Variants in SORCS2 observed in about 807,000 individuals in gnomAD.
SORCS2 encodes sortilin related VPS10 domain containing receptor 2, also known as VPS10 domain-containing receptor SorCS2.
A neutral mutation model predicts 141.6 loss-of-function variants in SORCS2; 100 were observed. The observed-to-expected ratio is 0.71, with a 90% confidence interval of 0.60 to 0.83. The LOEUF (loss-of-function observed/expected upper bound fraction) is 0.83. Ranked by LOEUF, SORCS2 falls within the 40% of genes least tolerant of loss-of-function variation. SORCS2 has a pLI of 0.00. For missense variants in SORCS2, 1,646 were observed against 1,560.2 expected (o/e 1.05, Z -0.93); for synonymous variants, 789 against 676.9 (o/e 1.17, Z -2.57).
Position 7,741,072 on chromosome 4 carries a change from C to G in SORCS2, c.*808C>G, listed in dbSNP as rs1046908091. 5.0e-6 allele frequency: 2 copies of G among 398,758 alleles called. No homozygotes were observed. The highest frequency in any genetic ancestry group is 8.8e-6 in the Non-Finnish European group (2 of 226,306). 24.7% of individuals were successfully genotyped at this position (398,758 alleles called of 1,614,324 possible). On this transcript the variant is annotated 3_prime_UTR_variant, in exon 27 of 27. Transcript: ENST00000507866. Reference sequence around the variant, plus strand: ...CTCCTACCAGCAAGCAGCACCATCCCGCAGGCTTCTCCCACCTGATGGCTG... The same window carrying G: ...CTCCTACCAGCAAGCAGCACCATCCGGCAGGCTTCTCCCACCTGATGGCTG...
At chr4:7,658,967 C>T (rs954327106) in intron 5 of SORCS2, among the ~76,000 whole-genome samples, 4 of 152,200 alleles carry the variant, frequency 2.6e-5, no homozygotes, top group African/African-American at 9.6e-5. Context: ...GTGACTTCCT[C>T]ATCTTGAGGC....
chr4:7,434,817 T>G, intron 2 of SORCS2: 1 of 1,604,202 alleles, frequency 6.2e-7, no homozygotes, highest in Non-Finnish European at 8.5e-7. Flanking sequence ...CCTGGGGGCC[T>G]GAGGTGGGGC....
chr4:7,237,157 G>T (rs1367650729), intron 1 of SORCS2, among the ~76,000 whole-genome samples: 2 of 152,220 alleles, frequency 1.3e-5, no homozygotes, highest in East Asian at 3.8e-4. Context: ...TTTCTGACAA[G>T]CAGCAGATAA....
rs1012452665 is a variant in SORCS2 at position 7,648,828 on chromosome 4, G to A, written c.814-5306G>A. On this transcript the variant is annotated intron_variant, in intron 4 of 26. Transcript: ENST00000507866. This position sits in a 1 kb window ranked among gnomAD's most constrained non-coding sequence, Gnocchi z 4.2. ...GTAGAGGAAGAGAGGCTAGAAACCA[G>A]GGACAGGTGCCAGGGCAGGCCTAGG... Among the ~76,000 whole-genome samples the A allele has an allele frequency of 2.0e-5, 3 of 152,128 alleles. No homozygotes were observed. The highest frequency in any genetic ancestry group is 4.8e-5 in the African/African-American group (2 of 41,416).
intron 21 of SORCS2, among the ~76,000 whole-genome samples, 166 bp from the exon 22 acceptor site, chr4:7,728,184 G>T (rs924001153): frequency 5.3e-5 from 8 of 152,186 alleles, no homozygotes; most frequent in African/African-American, 1.9e-4. Flanking sequence ...AATCAGGACT[G>T]CTGTCGGCCT....
rs574244556 is a variant in SORCS2, at chr4:7,206,665, GT to G, written c.480+13540del. On this transcript the variant is annotated intron_variant, in intron 1 of 26. Transcript: ENST00000507866. The stretch of plus-strand genomic sequence containing the variant: ...GCAGTCTAGCAGCTGCTGACTCATG[GT>G]CGTGGCTGTGCAGCCAGGTCCTGGT... Among the ~76,000 whole-genome samples the G allele has an allele frequency of 7.6e-3, 1,164 of 152,288 alleles. 7 individuals carry two copies. The highest frequency in any genetic ancestry group is 0.013 in the Non-Finnish European group (882 of 68,000).
intron 2 of SORCS2, among the ~76,000 whole-genome samples, chr4:7,509,098 C>A (rs1732452723): frequency 6.6e-6 from 1 of 152,190 alleles, no homozygotes; most frequent in Non-Finnish European, 1.5e-5. Context: ...GAGATCAGTA[C>A]CTGCTTCTGT....
chr4:7,299,899 C>T (rs559627002), intron 1 of SORCS2, among the ~76,000 whole-genome samples: 27 of 152,322 alleles, frequency 1.8e-4, no homozygotes, highest in Admixed American at 3.3e-4. Context: ...TCCCAGAGCC[C>T]GCTGGACACT....
At chr4:7,220,124 A>C (rs1043166613) in intron 1 of SORCS2, among the ~76,000 whole-genome samples, 1 of 152,126 alleles carries the variant, frequency 6.6e-6, no homozygotes, top group African/African-American at 2.4e-5. Flanking sequence ...TCACATTCTG[A>C]GGCCTGAGCT....
chr4:7,296,837 G>A (rs935951330), intron 1 of SORCS2, among the ~76,000 whole-genome samples: 1 of 152,126 alleles, frequency 6.6e-6, no homozygotes, highest in Admixed American at 6.5e-5. Context: ...TCCCTCTATC[G>A]CTCGGTAGTC....
At chr4:7,593,482 T>G (rs982599652) in intron 3 of SORCS2, among the ~76,000 whole-genome samples, 1 of 152,168 alleles carries the variant, frequency 6.6e-6, no homozygotes, top group Admixed American at 6.5e-5. Flanking sequence ...GCAAGGGCCA[T>G]GAGAGACCCG....
chr4:7,412,905 GTCTCTAGGGTCTGGGTTTTTGTGT>G (rs1267886788), intron 2 of SORCS2, among the ~76,000 whole-genome samples: 1 of 152,110 alleles, frequency 6.6e-6, no homozygotes, highest in Non-Finnish European at 1.5e-5. Context: ...GCACCTCCTT[GTCTCTAGGGTCTGGGTTTTTGTGT>G]TCTCTGCACC....
intron 1 of SORCS2, among the ~76,000 whole-genome samples, chr4:7,314,351 ATTTTTT>A (rs1718414789): frequency 1.3e-5 from 1 of 77,366 alleles, no homozygotes; most frequent in Admixed American, 1.1e-4. Flanking sequence ...ATTTTTTTTT[ATTTTTT>A]GAGACGGAGT....
chr4:7,368,061 T>C (rs937393398), intron 1 of SORCS2, among the ~76,000 whole-genome samples: 2 of 152,198 alleles, frequency 1.3e-5, no homozygotes, highest in Admixed American at 6.5e-5. Context: ...CTCCTTTTTT[T>C]ACAGAGGACT....
At chr4:7,235,351 C>A (rs1712192675) in intron 1 of SORCS2, among the ~76,000 whole-genome samples, 1 of 152,234 alleles carries the variant, frequency 6.6e-6, no homozygotes, top group South Asian at 2.1e-4. Flanking sequence ...ATCCCCACAG[C>A]AGATCTTTGG....
chr4:7,692,805 G>C (rs1194216875), intron 11 of SORCS2, among the ~76,000 whole-genome samples: 1 of 152,178 alleles, frequency 6.6e-6, no homozygotes, highest in Non-Finnish European at 1.5e-5. Flanking sequence ...TAGGCAGAGG[G>C]CACCGCGTGT....
At position 7,379,719 on chromosome 4, in the gene SORCS2, C is replaced by A. The variant is rs144324357; in HGVS notation, c.481-16569C>A. On this transcript the variant is annotated intron_variant, in intron 1 of 26. Coordinates refer to ENST00000507866, the MANE Select transcript of SORCS2 (RefSeq NM_020777.3). Reference sequence around the variant, plus strand: ...TGGCTTTTTAGATTCGTTCTCTAAGCAGAGGCAAGGGACTCACTGGGAAAT... The same window carrying A: ...TGGCTTTTTAGATTCGTTCTCTAAGAAGAGGCAAGGGACTCACTGGGAAAT... 2.8e-3 allele frequency among the ~76,000 whole-genome samples: 419 copies of A among 152,258 alleles called. 2 individuals are homozygous for A. Among genetic ancestry groups the A allele is most frequent in the Admixed American group, 5.0e-3 (76 of 15,298 alleles).
At chr4:7,684,273 A>G (rs1723741648) in intron 10 of SORCS2, among the ~76,000 whole-genome samples, 1 of 152,206 alleles carries the variant, frequency 6.6e-6, no homozygotes. Flanking sequence ...TTGAAAACGG[A>G]GGAAGATGAT....
chr4:7,692,668 T>C (rs956406321), intron 11 of SORCS2, among the ~76,000 whole-genome samples: 1 of 152,186 alleles, frequency 6.6e-6, no homozygotes, highest in Non-Finnish European at 1.5e-5. Context: ...AGCATCCTGA[T>C]GCCGAGTGTT....
Sources: allele counts gnomAD v4.1 joint callset (sites outside exome capture counted in the v4.1 genomes callset), GRCh38; gene constraint gnomAD v4.1.1; non-coding constraint Gnocchi (gnomAD v3.1); transcripts MANE v1.5; gene names NCBI Gene and HGNC (gene_info 2026-07-23, HGNC 2026-07-21).